The following NDUFAF6 variants were observed in gnomAD, a reference collection of about 807,000 sequenced individuals.
The protein encoded by NDUFAF6 is NADH dehydrogenase (ubiquinone) complex I, assembly factor 6.
NDUFAF6 carries 45 observed loss-of-function variants against 40.8 expected under a neutral mutation model. The ratio of observed to expected loss-of-function variants is 1.10; its 90% confidence interval spans 0.87 to 1.42. The LOEUF is 1.42. Ranked by LOEUF, NDUFAF6 falls within the 40% of genes most tolerant of loss-of-function variation. The pLI is 0.00. For synonymous variants in NDUFAF6, 185 were observed against 155.9 expected (o/e 1.19, Z -1.39); for missense variants, 435 against 418.5 (o/e 1.04, Z -0.34).
At chr8:94,985,992 G>A (rs1825872651) in intron 2 of NDUFAF6, among the ~76,000 whole-genome samples, 1 of 151,436 alleles carries the variant, frequency 6.6e-6, no homozygotes, top group Non-Finnish European at 1.5e-5. Flanking sequence ...TCCTGCCTCA[G>A]CCTCCCAAGT....
At chr8:94,921,283 CTGAAGTTA>C (rs1819484289) in intron 1 of NDUFAF6, among the ~76,000 whole-genome samples, 1 of 152,196 alleles carries the variant, frequency 6.6e-6, no homozygotes, top group Admixed American at 6.5e-5. Context: ...TGTTTCTTGA[CTGAAGTTA>C]AGTGGGGATG....
intron 1 of NDUFAF6, among the ~76,000 whole-genome samples, chr8:94,977,680 T>C (rs961554193): frequency 1.3e-5 from 2 of 152,114 alleles, no homozygotes; most frequent in African/African-American, 4.8e-5. Flanking sequence ...TCCAGATTCT[T>C]CAGCTCTTGG....
At chr8:94,909,348 CAAAAAAAAAAAAAAAAAAAAA>C (rs556065794) in intron 1 of NDUFAF6, among the ~76,000 whole-genome samples, 11 of 91,924 alleles carry the variant, frequency 1.2e-4, no homozygotes, top group African/African-American at 1.0e-4. Context: ...GACTCCGTCT[CAAAAAAAAAAAAAAAAAAAAA>C]AAAAAAAAAA....
chr8:95,035,069 C>T (rs112813162), intron 2 of NDUFAF6, among the ~76,000 whole-genome samples: 1,953 of 151,972 alleles, frequency 0.013, 31 homozygotes, highest in African/African-American at 0.044. Context: ...TTAGTAGAGA[C>T]GGGGTTTCAT....
At chr8:94,953,474 T>C (rs1223936461), upstream of NDUFAF6, among the ~76,000 whole-genome samples, 4 of 152,208 alleles carry the variant, frequency 2.6e-5, no homozygotes, top group African/African-American at 9.6e-5. Flanking sequence ...GCCATGAAGC[T>C]TGAAGAGGCG....
intron 1 of NDUFAF6, among the ~76,000 whole-genome samples, chr8:94,919,582 G>A (rs1182751158): frequency 6.6e-6 from 1 of 152,064 alleles, no homozygotes; most frequent in Non-Finnish European, 1.5e-5. Context: ...CGTTGAATCT[G>A]CCCACTTGTT....
intron 3 of NDUFAF6, chr8:95,040,899 GGTA>G (rs1830075504): frequency 1.3e-5 from 2 of 152,232 alleles, no homozygotes; most frequent in Admixed American, 1.3e-4. Context: ...TAAGGAGAAT[GGTA>G]GTAGAGACAA....
chr8:94,930,519 C>G (rs1820289292), intron 1 of NDUFAF6: 1 of 1,614,088 alleles, frequency 6.2e-7, no homozygotes. Context: ...ATGAACAACC[C>G]AGCCATTGTG....
At chr8:95,018,725 A>T (rs1029477116) in intron 2 of NDUFAF6, among the ~76,000 whole-genome samples, 8 of 152,260 alleles carry the variant, frequency 5.3e-5, no homozygotes, top group African/African-American at 1.7e-4. Flanking sequence ...CAACCAATTC[A>T]GGTGCCAAAA....
At chr8:95,094,182 G>T (rs1809361345) in intron 2 of NDUFAF6, among the ~76,000 whole-genome samples, 2 of 152,140 alleles carry the variant, frequency 1.3e-5, no homozygotes, top group Non-Finnish European at 2.9e-5. Context: ...ATGTTGGCCA[G>T]ACTGGGCTTG....
At chr8:94,944,835 C>T (rs9643353) in intron 1 of NDUFAF6, among the ~76,000 whole-genome samples, 95,023 of 152,002 alleles carry the variant, frequency 0.63, 30,647 homozygotes, top group East Asian at 0.78. Flanking sequence ...GGGGAGACTG[C>T]GCTGAATCAC....
chr8:95,022,981 G>A (rs541181101), upstream of NDUFAF6, among the ~76,000 whole-genome samples: 170 of 152,222 alleles, frequency 1.1e-3, no homozygotes, highest in African/African-American at 3.9e-3. Flanking sequence ...CCTAATCGCA[G>A]GAGTGACATT....
chr8:95,101,306 A>G (rs1587276738), intron 2 of NDUFAF6: 1 of 152,158 alleles, frequency 6.6e-6, no homozygotes, highest in East Asian at 1.9e-4. Flanking sequence ...AGGCTAAGGA[A>G]TTTCTGCAAG....
intron 1 of NDUFAF6, among the ~76,000 whole-genome samples, chr8:94,964,638 G>A (rs961918733): frequency 6.6e-6 from 1 of 152,096 alleles, no homozygotes; most frequent in Non-Finnish European, 1.5e-5. Flanking sequence ...AGAGCGAGAA[G>A]GAGGTGCCAG....
chr8:94,915,630 T>C (rs1819082546), intron 1 of NDUFAF6, among the ~76,000 whole-genome samples: 1 of 152,260 alleles, frequency 6.6e-6, no homozygotes, highest in African/African-American at 2.4e-5. Flanking sequence ...TTTTTACTTC[T>C]TTGAAATATC....
chr8:94,945,432 T>G (rs1446608782), intron 1 of NDUFAF6: 2 of 152,242 alleles, frequency 1.3e-5, no homozygotes, highest in Non-Finnish European at 2.9e-5. Context: ...ATATGGCTAC[T>G]AGAAAATTCA....
chr8:95,036,132 GTAT>G (rs1829473803), intron 3 of NDUFAF6, among the ~76,000 whole-genome samples: 1 of 152,222 alleles, frequency 6.6e-6, no homozygotes, highest in South Asian at 2.1e-4. Flanking sequence ...ATGGGCTAGA[GTAT>G]TATTTGTATA....
At chr8:95,083,265 C>T (rs1340492459) in intron 2 of NDUFAF6, among the ~76,000 whole-genome samples, 2 of 150,782 alleles carry the variant, frequency 1.3e-5, no homozygotes, top group Non-Finnish European at 3.0e-5. Context: ...ACTAAACGGG[C>T]TCTGTCTTTA....
At chr8:95,112,218 A>G (rs1466442176) in intron 4 of NDUFAF6, among the ~76,000 whole-genome samples, 1 of 152,228 alleles carries the variant, frequency 6.6e-6, no homozygotes, top group Non-Finnish European at 1.5e-5. Context: ...AGTGGCCCTC[A>G]GAAAGATATG....
Sources: allele counts gnomAD v4.1 joint callset (sites outside exome capture counted in the v4.1 genomes callset), GRCh38; gene constraint gnomAD v4.1.1; transcripts MANE v1.5; gene names NCBI Gene and HGNC (gene_info 2026-07-23, HGNC 2026-07-21).